RUNX2: variants seen among roughly 807,000 people sequenced by gnomAD.
RUNX2 encodes runt-related transcription factor 2.
In RUNX2, 10 loss-of-function variants were observed where a neutral mutation model predicts 51.7. The observed-to-expected ratio is 0.19, with a 90% CI of 0.12 to 0.33. RUNX2 has a LOEUF of 0.33. Ranked by LOEUF, RUNX2 falls within the 10% of genes least tolerant of loss-of-function variation. The pLI, the probability that RUNX2 is intolerant of heterozygous loss-of-function variation, is 1.00. For missense variants in RUNX2, 562 were observed against 691.3 expected (o/e 0.81, Z 2.10); for synonymous variants, 276 against 273.6 (o/e 1.01, Z -0.09).
At chr6:45,347,758 C>CT (rs201547368) in intron 2 of RUNX2, among the ~76,000 whole-genome samples, 4,436 of 150,614 alleles carry the variant, frequency 0.029, 90 homozygotes, top group Non-Finnish European at 0.047. Flanking sequence ...CTTCACAATT[C>CT]TTTTTTTTAA....
intron 2 of RUNX2, among the ~76,000 whole-genome samples, chr6:45,398,717 C>T (rs1050717624): frequency 2.0e-5 from 3 of 152,180 alleles, no homozygotes; most frequent in Non-Finnish European, 4.4e-5. Flanking sequence ...TCTAGAGTTC[C>T]AACTTAGGGC....
At chr6:45,389,247 TAA>T (rs1350445037) in intron 2 of RUNX2, among the ~76,000 whole-genome samples, 1 of 152,240 alleles carries the variant, frequency 6.6e-6, no homozygotes, top group Non-Finnish European at 1.5e-5. Flanking sequence ...ATACCAATAA[TAA>T]AGTCATTTTC....
intron 5 of RUNX2, among the ~76,000 whole-genome samples, chr6:45,468,639 A>T (rs1799711197): frequency 6.6e-6 from 1 of 152,230 alleles, no homozygotes; most frequent in Admixed American, 6.5e-5. Flanking sequence ...AGGGAAAAAA[A>T]TCCCTTTATA....
At chr6:45,446,712 G>A (rs147436063) in intron 5 of RUNX2, among the ~76,000 whole-genome samples, 2 of 152,076 alleles carry the variant, frequency 1.3e-5, no homozygotes, top group Admixed American at 6.5e-5. Flanking sequence ...TCCATACCTA[G>A]CATTTTTATA....
chr6:45,531,750 T>TAA (rs143683342), intron 7 of RUNX2, among the ~76,000 whole-genome samples: 3 of 146,908 alleles, frequency 2.0e-5, no homozygotes, highest in Non-Finnish European at 3.0e-5. Context: ...AGATTCTGTC[T>TAA]AAAAAAAAAA....
intron 6 of RUNX2, among the ~76,000 whole-genome samples, chr6:45,501,273 G>C (rs374317689): frequency 7.2e-5 from 11 of 152,302 alleles, no homozygotes; most frequent in African/African-American, 2.6e-4. Flanking sequence ...CCATCACACT[G>C]TGGCTGTCAG....
Position 45,549,316 on chromosome 6 carries a change from A to T in RUNX2, c.*2011A>T, listed in dbSNP as rs1010442094. ...CCCCCTTGTTCTCTGGTCCTTCTCA[A>T]ACCCACCTTTGTAGGCCACCCAGCA... is the stretch of plus-strand genomic sequence containing the variant. On this transcript the variant is annotated 3_prime_UTR_variant, in exon 9 of 9. Coordinates refer to ENST00000647337, the MANE Select transcript of RUNX2 (RefSeq NM_001024630.4). The T allele has an allele frequency of 3.2e-4, 126 of 398,516 alleles. 1 individual carries two copies. The highest frequency in any genetic ancestry group is 2.3e-3 in the African/African-American group (114 of 48,726). The allele number at this position is 398,516 out of a possible 1,614,324, so 24.7% of individuals were successfully genotyped here.
At chr6:45,441,702 A>G (rs574314994) in intron 5 of RUNX2, among the ~76,000 whole-genome samples, 4 of 152,300 alleles carry the variant, frequency 2.6e-5, no homozygotes, top group South Asian at 4.1e-4. Flanking sequence ...ATTTTTGCTC[A>G]TTAGTAAATG....
intron 2 of RUNX2, among the ~76,000 whole-genome samples, chr6:45,346,360 AGGGT>A (rs1377254183): frequency 6.6e-6 from 1 of 152,144 alleles, no homozygotes; most frequent in Non-Finnish European, 1.5e-5. Flanking sequence ...GAAACGAAGA[AGGGT>A]GAGAGGGTAG....
intron 5 of RUNX2, among the ~76,000 whole-genome samples, chr6:45,473,500 C>T (rs78925957): frequency 2.6e-5 from 4 of 152,228 alleles, no homozygotes; most frequent in East Asian, 3.9e-4. Context: ...GGTGGGGGAG[C>T]GGTGGCGGCG....
intron 2 of RUNX2, 102 bp from the exon 3 acceptor site, chr6:45,422,491 C>A: frequency 2.0e-6 from 1 of 504,772 alleles, no homozygotes. Flanking sequence ...CCCCGTCTCG[C>A]CTTCACCCCC....
At chr6:45,545,716 A>G (rs1397369841) in intron 8 of RUNX2, among the ~76,000 whole-genome samples, 3 of 152,230 alleles carry the variant, frequency 2.0e-5, no homozygotes, top group African/African-American at 7.2e-5. Flanking sequence ...GAGCACTGGT[A>G]TTAGAAAAGG....
At chr6:45,452,943 A>G (rs958435546) in intron 5 of RUNX2, among the ~76,000 whole-genome samples, 1 of 152,156 alleles carries the variant, frequency 6.6e-6, no homozygotes, top group African/African-American at 2.4e-5. Context: ...TTACCCTTCC[A>G]AAGCACCATC....
In RUNX2 at chr6:45,432,115, T is replaced by C; in HGVS notation, c.580+96T>C. On this transcript the variant is annotated intron_variant, in intron 4 of 8. Transcript: ENST00000647337. ...TCTGTATACAAATCAGCACCTTCTT[T>C]TTCTGAATAGAATTACTGAAGATTT... The C allele has an allele frequency of 3.4e-6, 4 of 1,169,626 alleles. No individual in the cohort carries two copies. The South Asian group carries it at 5.2e-5, about 15-fold the overall frequency. 72.5% of individuals were successfully genotyped at this position (1,169,626 alleles called of 1,614,324 possible).
intron 7 of RUNX2, among the ~76,000 whole-genome samples, chr6:45,532,584 C>T (rs1299101749): frequency 6.6e-6 from 1 of 152,076 alleles, no homozygotes; most frequent in Non-Finnish European, 1.5e-5. Flanking sequence ...GCCATTGTGA[C>T]CTGAAGAAGA....
chr6:45,425,320 CAG>C (rs1798355225), intron 3 of RUNX2, among the ~76,000 whole-genome samples: 1 of 152,190 alleles, frequency 6.6e-6, no homozygotes, highest in Non-Finnish European at 1.5e-5. Flanking sequence ...GAGCTAGTCT[CAG>C]ATATTTTGGC....
intron 2 of RUNX2, among the ~76,000 whole-genome samples, chr6:45,390,699 G>T (rs1430170016): frequency 6.6e-6 from 1 of 151,962 alleles, no homozygotes; most frequent in Non-Finnish European, 1.5e-5. Flanking sequence ...AAAGAATTTT[G>T]GTTGTCATTT....
intron 2 of RUNX2, among the ~76,000 whole-genome samples, chr6:45,345,978 C>G (rs1270375699): frequency 1.3e-5 from 2 of 152,138 alleles, no homozygotes; most frequent in African/African-American, 4.8e-5. Flanking sequence ...ATATTCCCTA[C>G]CTATCCTCAC....
At chr6:45,449,142 ATTC>A (rs1423709817) in intron 5 of RUNX2, among the ~76,000 whole-genome samples, 1 of 152,214 alleles carries the variant, frequency 6.6e-6, no homozygotes, top group Admixed American at 6.5e-5. Flanking sequence ...GGACTCAGGA[ATTC>A]TTCTTTTGAG....
Sources: allele counts gnomAD v4.1 joint callset (sites outside exome capture counted in the v4.1 genomes callset), GRCh38; gene constraint gnomAD v4.1.1; transcripts MANE v1.5; gene names NCBI Gene and HGNC (gene_info 2026-07-23, HGNC 2026-07-21).